The following USP13 variants were observed in gnomAD, a reference collection of about 807,000 sequenced individuals.
USP13 encodes the protein ubiquitin carboxyl-terminal hydrolase 13.
Under a neutral mutation model 107.8 loss-of-function variants are expected in USP13, and 68 were observed. That is an observed-to-expected ratio of 0.63 (90% CI 0.52 to 0.77). The LOEUF (loss-of-function observed/expected upper bound fraction) is 0.77. USP13 is among the 30% of genes least tolerant of loss of function. USP13 has a pLI of 0.00. For missense variants in USP13, 945 were observed against 1,093.3 expected, an observed-to-expected ratio of 0.86 and a Z score of 1.91; for synonymous variants, 377 against 389.5, an observed-to-expected ratio of 0.97 and a Z score of 0.38.
intron 10 of USP13, among the ~76,000 whole-genome samples, chr3:179,737,340 A>T (rs1270273920): frequency 6.6e-6 from 1 of 152,208 alleles, no homozygotes; most frequent in Non-Finnish European, 1.5e-5. Context: ...GTGAGTTAAG[A>T]AAAATATATA....
chr3:179,765,044 A>G (rs73885937), intron 18 of USP13, among the ~76,000 whole-genome samples: 1,929 of 152,340 alleles, frequency 0.013, 50 homozygotes, highest in African/African-American at 0.045. Context: ...TTTTATATCT[A>G]TACAAATTCT....
At chr3:179,736,546 A>G (rs1461758588) in intron 10 of USP13, among the ~76,000 whole-genome samples, 1 of 152,240 alleles carries the variant, frequency 6.6e-6, no homozygotes, top group Non-Finnish European at 1.5e-5. Flanking sequence ...GCATGATGTG[A>G]AGAGGAGGAG....
chr3:179,677,534 C>G (rs1027040132), intron 1 of USP13, among the ~76,000 whole-genome samples: 6 of 151,778 alleles, frequency 4.0e-5, no homozygotes, highest in Admixed American at 2.0e-4. Flanking sequence ...GAGCCAAGAT[C>G]GCGCCATTGC....
intron 3 of USP13, among the ~76,000 whole-genome samples, chr3:179,697,048 TA>T (rs1712351383): frequency 6.6e-6 from 1 of 152,234 alleles, no homozygotes; most frequent in Non-Finnish European, 1.5e-5. Context: ...CAAATAGGTG[TA>T]AAGGAGTTCA....
At position 179,672,390 on chromosome 3, in the gene USP13, C is replaced by CT. The variant is rs1231843720; in HGVS notation, c.169-9475dup. Among the ~76,000 whole-genome samples, 604 of 139,368 alleles carry CT rather than the reference C, an allele frequency of 4.3e-3. 4 individuals are homozygous for CT. The highest frequency in any genetic ancestry group is 9.2e-3 in the African/African-American group (353 of 38,180). 91.4% of individuals were successfully genotyped at this position (139,368 alleles called of 152,430 possible). ...TGCTCCTTTCTTTTTCTTTTTTTTTCTTTTTTTTTTTTTGAGACAGTGTGT... is the reference window on the plus strand; with the variant it reads ...TGCTCCTTTCTTTTTCTTTTTTTTTCTTTTTTTTTTTTTTGAGACAGTGTGT... On this transcript the variant is annotated intron_variant, in intron 1 of 20. Coordinates refer to ENST00000263966, the MANE Select transcript of USP13 (RefSeq NM_003940.3).
At chr3:179,729,556 C>T (rs1713719502) in intron 8 of USP13, among the ~76,000 whole-genome samples, 1 of 152,200 alleles carries the variant, frequency 6.6e-6, no homozygotes, top group African/African-American at 2.4e-5. Context: ...ACTGCAACCT[C>T]CACCTCCAGG....
rs576517737 is a variant in USP13, at chr3:179,694,799, CAAAAAA to C, written c.355+4517_355+4522del. On this transcript the variant is annotated intron_variant, in intron 3 of 20. Coordinates refer to ENST00000263966, the MANE Select transcript of USP13 (RefSeq NM_003940.3). ...CTGGGCAAAGAGTGAAACTCCATCT[CAAAAAA>C]AAAAAAAAAAAAAAAAAAGAAACAA... Among the ~76,000 whole-genome samples, 851 of 82,172 alleles carry C rather than the reference CAAAAAA, an allele frequency of 0.01. 18 individuals are homozygous for C. The Middle Eastern group carries it at 0.15, about 15-fold the overall frequency. 53.9% of individuals were successfully genotyped at this position (82,172 alleles called of 152,430 possible). A position where few individuals can be genotyped will look rare whatever the true frequency, so the allele number is the denominator to read the frequency against.
chr3:179,686,162 T>C (rs548148094), intron 2 of USP13, among the ~76,000 whole-genome samples: 108 of 152,308 alleles, frequency 7.1e-4, no homozygotes, highest in African/African-American at 2.4e-3. Flanking sequence ...ATTCTAACCT[T>C]TGGATGCTTT....
Position 179,761,153 on chromosome 3 carries a change from A to G in USP13, c.1990A>G (p.Met664Val). ...DESSVMQLAE[M>V]GFPLEACRKA... is the part of the protein sequence containing the mutation. ...GTCATCAGTGATGCAGCTGGCCGAG[A>G]TGGGTTTCCCGCTGGAAGCATGTCG... Residue 664 changes from methionine (M) to valine (V), a missense_variant, in exon 17 of 21, where the codon ATG becomes GTG. Coordinates refer to ENST00000263966, the MANE Select transcript of USP13 (RefSeq NM_003940.3). 1 of 1,614,126 alleles carries G rather than the reference A, an allele frequency of 6.2e-7. No individual in the cohort carries two copies. The highest frequency in any genetic ancestry group is 8.5e-7 in the Non-Finnish European group (1 of 1,180,032).
Position 179,703,576 on chromosome 3 carries a change from GT to G in USP13, c.477+2450del, listed in dbSNP as rs755016896. ...TTGGAGCAGTGGTGTGCTTGTAAAT[GT>G]TTAACAACAGGCTCCCTAGGGAAAA... On this transcript the variant is annotated intron_variant, in intron 4 of 20. Coordinates refer to ENST00000263966, the MANE Select transcript of USP13 (RefSeq NM_003940.3). Among the ~76,000 whole-genome samples the G allele has an allele frequency of 5.3e-5, 8 of 152,264 alleles. No homozygotes were observed. The East Asian group carries it at 7.7e-4, about 15-fold the overall frequency.
intron 8 of USP13, among the ~76,000 whole-genome samples, chr3:179,723,082 C>A (rs908377597): frequency 6.6e-6 from 1 of 152,096 alleles, no homozygotes; most frequent in Non-Finnish European, 1.5e-5. Flanking sequence ...AGTTTAAGTG[C>A]GGAAGAGGAC....
chr3:179,672,374 CTTTTTCTTTT>C (rs897663626), intron 1 of USP13, among the ~76,000 whole-genome samples: 39 of 150,850 alleles, frequency 2.6e-4, no homozygotes, highest in Non-Finnish European at 3.4e-4. Flanking sequence ...CTGCTCCTTT[CTTTTTCTTTT>C]TTTTTCTTTT....
intron 15 of USP13, among the ~76,000 whole-genome samples, chr3:179,756,047 T>G (rs572444980): frequency 6.6e-6 from 1 of 152,316 alleles, no homozygotes; most frequent in Admixed American, 6.5e-5. Context: ...ATCAGATAAA[T>G]ACAAGATGGT....
At chr3:179,658,183 T>C (rs1253585299) in intron 1 of USP13, among the ~76,000 whole-genome samples, 1 of 152,186 alleles carries the variant, frequency 6.6e-6, no homozygotes, top group Non-Finnish European at 1.5e-5. Flanking sequence ...CCTGAACTCC[T>C]GACCTCGTGA....
intron 19 of USP13, among the ~76,000 whole-genome samples, chr3:179,772,088 G>A (rs1715357488): frequency 6.6e-6 from 1 of 152,162 alleles, no homozygotes; most frequent in Admixed American, 6.5e-5. Flanking sequence ...AGGCTGTGCA[G>A]TTTTTCCTTT....
chr3:179,758,699 C>T (rs1714895226), intron 16 of USP13, among the ~76,000 whole-genome samples: 3 of 151,920 alleles, frequency 2.0e-5, no homozygotes, highest in Non-Finnish European at 4.4e-5. Context: ...GGGGTTTTAC[C>T]GTGTTAGCCA....
chr3:179,764,881 A>G (rs1042074874), intron 18 of USP13, among the ~76,000 whole-genome samples: 1 of 152,186 alleles, frequency 6.6e-6, no homozygotes, highest in Non-Finnish European at 1.5e-5. Flanking sequence ...TCCGTTGCTG[A>G]GGTCACAGTG....
chr3:179,657,284 G>A (rs1461055147), intron 1 of USP13, among the ~76,000 whole-genome samples: 1 of 152,196 alleles, frequency 6.6e-6, no homozygotes, highest in Non-Finnish European at 1.5e-5. Context: ...TTGGGAGGCC[G>A]AGGCAGGTGG....
In USP13 at chr3:179,789,401, A is replaced by G. The variant is rs191891819; in HGVS notation, c.*5260A>G. On this transcript the variant is annotated 3_prime_UTR_variant, in exon 21 of 21. Transcript: ENST00000263966. ...TTTTAAATTAAAAGCTATTCTCACA[A>G]TCTGAGGCCCTTTATGGCTCTTTTT... is the stretch of plus-strand genomic sequence containing the variant. 3.0e-4 allele frequency: 45 copies of G among 152,340 alleles called. No individual in the cohort carries two copies. The highest frequency in any genetic ancestry group is 1.1e-3 in the African/African-American group (44 of 41,576). 9.4% of individuals were successfully genotyped at this position (152,340 alleles called of 1,614,324 possible). A position where few individuals can be genotyped will look rare whatever the true frequency, so the allele number is the denominator to read the frequency against.
Sources: gnomAD v4.1 joint callset for allele counts (sites outside exome capture counted in the v4.1 genomes callset) on GRCh38, gnomAD v4.1.1 for gene constraint, MANE v1.5 for transcripts, NCBI Gene and HGNC (gene_info 2026-07-23, HGNC 2026-07-21) for gene names.